AUTS2: variants seen among roughly 807,000 people sequenced by gnomAD.
The protein encoded by AUTS2 is autism susceptibility gene 2 protein.
A neutral mutation model predicts 112.4 loss-of-function variants in AUTS2; 17 were observed. The ratio of observed to expected loss-of-function variants is 0.15; its 90% CI spans 0.10 to 0.23. AUTS2 has a LOEUF of 0.23. Ranked by LOEUF, AUTS2 falls within the 10% of genes least tolerant of loss-of-function variation. The pLI is 1.00. For missense variants in AUTS2, 1,510 were observed against 1,701.6 expected, an observed-to-expected ratio of 0.89 and a Z score of 1.98; for synonymous variants, 751 against 702.7, an observed-to-expected ratio of 1.07 and a Z score of -1.09.
chr7:70,484,296 C>T (rs554045449), intron 5 of AUTS2, among the ~76,000 whole-genome samples: 1 of 152,334 alleles, frequency 6.6e-6, no homozygotes, highest in East Asian at 1.9e-4. Context: ...TGGTTCTCTA[C>T]TCTACTTACC....
intron 4 of AUTS2, among the ~76,000 whole-genome samples, chr7:70,226,408 T>C (rs1811768341): frequency 6.6e-6 from 1 of 151,254 alleles, no homozygotes; most frequent in East Asian, 1.9e-4. Context: ...GGTTTCACTG[T>C]GTTACTCAGG....
intron 4 of AUTS2, among the ~76,000 whole-genome samples, chr7:70,284,984 A>G (rs778263884): frequency 5.3e-5 from 8 of 152,228 alleles, no homozygotes; most frequent in Non-Finnish European, 1.0e-4. Context: ...TTTATTTACT[A>G]TTGTTTCCTT....
Position 70,172,657 on chromosome 7 carries a change from T to C in AUTS2, c.660+38086T>C. Among the ~76,000 whole-genome samples, 2 of 152,200 alleles carry C rather than the reference T, an allele frequency of 1.3e-5. 1 individual carries two copies. The highest frequency in any genetic ancestry group is 2.9e-5 in the Non-Finnish European group (2 of 68,022). ...TAATGCCTTCTTTCCCTATGCACTT[T>C]TGCTTATTTTAATATTTCTCAACAC... On this transcript the variant is annotated intron_variant, in intron 4 of 18. Transcript: ENST00000342771.
chr7:70,242,271 C>T (rs1812653674), intron 4 of AUTS2, among the ~76,000 whole-genome samples: 1 of 152,148 alleles, frequency 6.6e-6, no homozygotes, highest in Non-Finnish European at 1.5e-5. Context: ...TCCCAAACCC[C>T]CAAAACAGGA....
chr7:70,150,465 A>T (rs574798064), intron 4 of AUTS2, among the ~76,000 whole-genome samples: 3 of 152,182 alleles, frequency 2.0e-5, no homozygotes, highest in Non-Finnish European at 2.9e-5. Flanking sequence ...GCAAAGAGCT[A>T]TTCCTCTTCC....
At chr7:70,159,561 A>G (rs955186452) in intron 4 of AUTS2, among the ~76,000 whole-genome samples, 2 of 152,194 alleles carry the variant, frequency 1.3e-5, no homozygotes, top group African/African-American at 4.8e-5. Context: ...TTATGATTAT[A>G]TCTGATAATG....
chr7:70,248,266 G>A lies in AUTS2; in HGVS notation c.660+113695G>A, dbSNP rs575748813. 3.1e-3 allele frequency among the ~76,000 whole-genome samples: 467 copies of A among 150,162 alleles called. 2 individuals are homozygous for A. Among genetic ancestry groups the A allele is most frequent in the Non-Finnish European group, 2.8e-3 (188 of 67,162 alleles). ...TGGGACTACAGGCACCCACTACCACGCCCAGCTAATTTTTGTATTTTTAGT... is the reference window on the plus strand; with the variant it reads ...TGGGACTACAGGCACCCACTACCACACCCAGCTAATTTTTGTATTTTTAGT... On this transcript the variant is annotated intron_variant, in intron 4 of 18. Coordinates refer to ENST00000342771, the MANE Select transcript of AUTS2 (RefSeq NM_015570.4).
rs191438765 is a variant in AUTS2, at chr7:70,318,153, C to T, written c.661-117599C>T. Among the ~76,000 whole-genome samples the T allele has an allele frequency of 4.9e-4, 74 of 152,136 alleles. 1 individual carries two copies. Among genetic ancestry groups the T allele is most frequent in the Non-Finnish European group, 1.3e-4 (9 of 68,002 alleles). On this transcript the variant is annotated intron_variant, in intron 4 of 18. Coordinates refer to ENST00000342771, the MANE Select transcript of AUTS2 (RefSeq NM_015570.4). ...CACGTAGAGATTTTCATGACAGAAT[C>T]GTCAGATGAACTCATTCAGGGTATA...
intron 2 of AUTS2, among the ~76,000 whole-genome samples, chr7:69,907,170 A>G (rs955349261): frequency 6.6e-6 from 1 of 152,168 alleles, no homozygotes; most frequent in Non-Finnish European, 1.5e-5. Flanking sequence ...ATGCTTGGCA[A>G]TCCCAGCTGC....
intron 1 of AUTS2, among the ~76,000 whole-genome samples, chr7:69,667,193 C>T (rs1416873252): frequency 6.6e-6 from 1 of 152,112 alleles, no homozygotes; most frequent in African/African-American, 2.4e-5. Flanking sequence ...CACAATAACC[C>T]ATTAATCCAC....
chr7:70,351,433 C>G (rs1017417231), intron 4 of AUTS2, among the ~76,000 whole-genome samples: 3 of 152,190 alleles, frequency 2.0e-5, no homozygotes, highest in African/African-American at 7.2e-5. Context: ...ATCTATTCAT[C>G]CATTGATGGA....
At chr7:70,705,234 A>G (rs1338623015) in intron 6 of AUTS2, among the ~76,000 whole-genome samples, 8 of 152,182 alleles carry the variant, frequency 5.3e-5, no homozygotes, top group Non-Finnish European at 7.3e-5. Context: ...AATTTGTCTC[A>G]ATTACTCAGA....
At chr7:70,050,520 T>C (rs563370552) in intron 2 of AUTS2, among the ~76,000 whole-genome samples, 3 of 152,222 alleles carry the variant, frequency 2.0e-5, no homozygotes, top group African/African-American at 7.2e-5. Flanking sequence ...ATTAGCCTTC[T>C]TGTGCCTCTT....
intron 15 of AUTS2, chr7:70,783,437 C>T (rs1791226450): frequency 6.6e-6 from 1 of 152,218 alleles, no homozygotes; most frequent in Non-Finnish European, 1.5e-5. Flanking sequence ...GCCCAGGGAA[C>T]AGCAGTCCAA....
rs779462087 is a variant in AUTS2 at position 70,631,405 on chromosome 7, C to G, written c.691-67164C>G. On this transcript the variant is annotated intron_variant, in intron 5 of 18. Coordinates refer to ENST00000342771, the MANE Select transcript of AUTS2 (RefSeq NM_015570.4). The surrounding 1 kb of genome is among the most constrained non-coding windows in gnomAD (Gnocchi z 4.5). ...CACTGCTGTGTGCGTGTCGGGCATG[C>G]TGCTCTGTGCGGGAAGAGGCTCGTT... Among the ~76,000 whole-genome samples the G allele has an allele frequency of 1.3e-5, 2 of 152,184 alleles. No homozygotes were observed. The highest frequency in any genetic ancestry group is 4.8e-5 in the African/African-American group (2 of 41,452).
At chr7:70,573,066 A>T (rs1013869) in intron 5 of AUTS2, among the ~76,000 whole-genome samples, 20,819 of 150,404 alleles carry the variant, frequency 0.14, 1,844 homozygotes, top group Non-Finnish European at 0.18. Context: ...AGTTAATGGC[A>T]ATTGTTCCTT....
chr7:70,410,398 T>TTTTATTCATTTATTTATTTA (rs1554394750), intron 4 of AUTS2, among the ~76,000 whole-genome samples: 2 of 140,766 alleles, frequency 1.4e-5, no homozygotes, highest in African/African-American at 5.3e-5. Context: ...AGGGTTTGTC[T>TTTTATTCATTTATTTATTTA]TTTATTTATT....
At chr7:69,961,298 C>T (rs1374173744) in intron 2 of AUTS2, among the ~76,000 whole-genome samples, 1 of 152,012 alleles carries the variant, frequency 6.6e-6, no homozygotes, top group Non-Finnish European at 1.5e-5. Context: ...TGTATAACTC[C>T]CTCTATCTCT....
At chr7:69,795,191 A>G (rs1296834460) in intron 1 of AUTS2, among the ~76,000 whole-genome samples, 3 of 152,180 alleles carry the variant, frequency 2.0e-5, no homozygotes, top group Non-Finnish European at 4.4e-5. Context: ...TAATCATTGC[A>G]AGGAAAATGT....
Sources: gnomAD v4.1 joint callset for allele counts (sites outside exome capture counted in the v4.1 genomes callset) on GRCh38, gnomAD v4.1.1 for gene constraint, Gnocchi (gnomAD v3.1) non-coding constraint, MANE v1.5 for transcripts, NCBI Gene and HGNC (gene_info 2026-07-23, HGNC 2026-07-21) for gene names.